The following KIF12 variants were observed in gnomAD, a reference collection of about 807,000 sequenced individuals.
KIF12 encodes kinesin-like protein KIF12.
Under a neutral mutation model 87.9 loss-of-function variants are expected in KIF12, and 80 were observed. The ratio of observed to expected loss-of-function variants is 0.91; its 90% confidence interval spans 0.76 to 1.10. The LOEUF (loss-of-function observed/expected upper bound fraction) is 1.10, where lower values mean the gene tolerates loss of function less well. KIF12 is among the 50% of genes least tolerant of loss of function. KIF12 has a pLI of 0.00. For synonymous variants in KIF12, 353 were observed against 348.5 expected (o/e 1.01, Z -0.14); for missense variants, 819 against 865.3 (o/e 0.95, Z 0.67).
Position 114,093,922 on chromosome 9 carries a change from T to G in KIF12, c.1364A>C (p.Gln455Pro). 6.2e-7 allele frequency: 1 copy of G among 1,614,168 alleles called. No individual in the cohort carries two copies. Among genetic ancestry groups the G allele is most frequent in the Non-Finnish European group, 8.5e-7 (1 of 1,180,032 alleles). ...ATGGACCTGCTGGGCCAGGATGCGC[T>G]GCTCATTCTGGGCCAGGTCTCGGCT... Reference protein sequence around the residue: ...QNSRDLAQNEQRILAQQVHAL... With the variant: ...QNSRDLAQNEPRILAQQVHAL... The change falls in exon 14 of 19, where the codon CAG becomes CCG. Residue 455 changes from glutamine to proline, a missense_variant. Transcript: ENST00000640217.
chr9:114,092,361 C>A lies in KIF12; in HGVS notation c.1788G>T (p.Arg596Ser). Residue 596 changes from arginine (R) to serine (S), a missense_variant, in exon 18 of 19, where the codon AGG becomes AGT. Physicochemically the swap from Arg to Ser is moderately radical, Grantham distance 110. Transcript: ENST00000640217. The part of the protein sequence containing the change: ...VVPSAPPLPV[R>S]PPKTSPGLRG... ...TGAGCCCTGGTGATGTCTTCGGGGGCCTCACAGGCAGGGGAGGTGCAGAAG... is the reference window on the plus strand; with the variant it reads ...TGAGCCCTGGTGATGTCTTCGGGGGACTCACAGGCAGGGGAGGTGCAGAAG... 1 of 1,603,632 alleles carries A rather than the reference C, an allele frequency of 6.2e-7. No individual in the cohort carries two copies. Among genetic ancestry groups the A allele is most frequent in the Non-Finnish European group, 8.5e-7 (1 of 1,175,728 alleles).
chr9:114,092,130 C>A, intron 18 of KIF12, 130 bp from the exon 19 acceptor site: 1 of 1,445,242 alleles, frequency 6.9e-7, no homozygotes, highest in East Asian at 2.5e-5. Context: ...CACCCCACCC[C>A]CATACACCAT....
At chr9:114,092,241 A>G in intron 18 of KIF12, 92 bp downstream of exon 18, 1 of 1,480,222 alleles carries the variant, frequency 6.8e-7, no homozygotes, top group South Asian at 1.4e-5. Flanking sequence ...CACCCACCCC[A>G]TTTCAGAGAT....
In KIF12 at chr9:114,098,408, G is replaced by T; in HGVS notation, c.193C>A (p.Pro65Thr). 1 of 1,511,460 alleles carries T rather than the reference G, an allele frequency of 6.6e-7. No individual in the cohort carries two copies. 93.6% of individuals were successfully genotyped at this position (1,511,460 alleles called of 1,614,324 possible). Residue 65 changes from proline (P) to threonine (T), a missense_variant, in exon 4 of 19, where the codon CCA becomes ACA. Physicochemically the swap from Pro to Thr is conservative, Grantham distance 38 (BLOSUM62 -1). Transcript: ENST00000640217. ...GCACCGAAGCGGAACGCCACTTCTG[G>T]ACCCCCGCCTGGAGGACTCACCTGG... ...TLQVSPPGGG[P>T]EVAFRFGAVL...
rs1847286722 is a variant in KIF12, at chr9:114,097,590, T to C, written c.510+17A>G. ...GTTTCCTCATGGGCTGTCTTTCTATTCCTCTCATTCCCTTACCTGCTCATT... is the reference window on the plus strand; with the variant it reads ...GTTTCCTCATGGGCTGTCTTTCTATCCCTCTCATTCCCTTACCTGCTCATT... On this transcript the variant is annotated intron_variant, in intron 6 of 18. Transcript: ENST00000640217. 6.2e-7 allele frequency: 1 copy of C among 1,613,586 alleles called. No individual in the cohort carries two copies. The highest frequency in any genetic ancestry group is 1.7e-5 in the Admixed American group (1 of 59,952).
chr9:114,096,337 C>A (rs773786026), intron 8 of KIF12, 50 bp downstream of exon 8: 3 of 1,597,730 alleles, frequency 1.9e-6, no homozygotes, highest in Admixed American at 1.7e-5. Flanking sequence ...CAGATACAGA[C>A]CCTTGCTTGG....
chr9:114,094,089 G>A, intron 13 of KIF12, 92 bp downstream of exon 13: 1 of 1,457,426 alleles, frequency 6.9e-7, no homozygotes, highest in Admixed American at 1.7e-5. Flanking sequence ...ACATAAGGGA[G>A]CCAGGGGCAG....
intron 13 of KIF12, 63 bp downstream of exon 13, chr9:114,094,118 C>A (rs1470225145): frequency 1.3e-6 from 2 of 1,543,860 alleles, no homozygotes; most frequent in Admixed American, 3.3e-5. Flanking sequence ...GGCAGTTTGC[C>A]AGAAGCAGCC....
chr9:114,097,164 G>A lies in KIF12; in HGVS notation c.646+137C>T. ...CCTTGGGCCATGCCTTTGAATTGTG[G>A]TTTACTGGTCCTTCCCCACCTCCCC... On this transcript the variant is annotated intron_variant, in intron 7 of 18. Coordinates refer to ENST00000640217, the MANE Select transcript of KIF12 (RefSeq NM_001388308.1). The A allele has an allele frequency of 3.4e-6, 4 of 1,180,826 alleles. No homozygotes were observed. In the South Asian group the frequency reaches 6.7e-5, roughly 20 times the overall value. 73.1% of individuals were successfully genotyped at this position (1,180,826 alleles called of 1,614,324 possible).
chr9:114,098,343 C>T lies in KIF12; in HGVS notation c.258G>A (p.Arg86=). The part of the protein sequence containing the change: ...DAARTQEDVF[R]ACGVRRLGEL... ...CCCCCAGGCGCCGCACGCCGCACGC[C>T]CGGAACACGTCCTCCTGCGTGCGCG... Residue 86 remains arginine, a synonymous_variant, in exon 4 of 19, where the codon CGG becomes CGA. Transcript: ENST00000640217. 4.0e-6 allele frequency: 6 copies of T among 1,490,686 alleles called. No homozygotes were observed. Among genetic ancestry groups the T allele is most frequent in the Non-Finnish European group, 5.3e-6 (6 of 1,124,764 alleles). 92.3% of individuals were successfully genotyped at this position (1,490,686 alleles called of 1,614,324 possible).
intron 16 of KIF12, 67 bp from the exon 17 acceptor site, chr9:114,092,709 G>C: frequency 6.5e-7 from 1 of 1,528,086 alleles, no homozygotes; most frequent in South Asian, 1.2e-5. Context: ...CACCTACCTG[G>C]TGCTAGCCAT....
chr9:114,096,227 T>C lies in KIF12; in HGVS notation c.739-20A>G. On this transcript the variant is annotated intron_variant, in intron 8 of 18. Coordinates refer to ENST00000640217, the MANE Select transcript of KIF12 (RefSeq NM_001388308.1). ...CTGGGCCTGAGGGATCAGAGCTTCA[T>C]GGGGACTTGGGAGGGACCGTCCCCA... is the stretch of plus-strand genomic sequence containing the variant. 6.2e-7 allele frequency: 1 copy of C among 1,613,262 alleles called. No individual in the cohort carries two copies. The highest frequency in any genetic ancestry group is 8.5e-7 in the Non-Finnish European group (1 of 1,179,650).
chr9:114,094,806 CT>C (rs1847143445), intron 11 of KIF12, among the ~76,000 whole-genome samples: 1 of 152,226 alleles, frequency 6.6e-6, no homozygotes, highest in South Asian at 2.1e-4. Context: ...CATATCCCAA[CT>C]CAAACTCCAA....
rs1243505626 is a variant in KIF12 at position 114,096,482 on chromosome 9, G to A, written c.647-4C>T. On this transcript the variant is annotated splice_region_variant and splice_polypyrimidine_tract_variant and intron_variant, in intron 7 of 18. Coordinates refer to ENST00000640217, the MANE Select transcript of KIF12 (RefSeq NM_001388308.1). ...GAGTTCCTTCGACGGCTGAGACCTGGAAGGGAAAAACATCAGGAGCTGGAC... is the reference window on the plus strand; with the variant it reads ...GAGTTCCTTCGACGGCTGAGACCTGAAAGGGAAAAACATCAGGAGCTGGAC... The A allele has an allele frequency of 6.2e-7, 1 of 1,605,774 alleles. No homozygotes were observed. The highest frequency in any genetic ancestry group is 8.5e-7 in the Non-Finnish European group (1 of 1,175,838).
At position 114,096,472 on chromosome 9, in the gene KIF12, C is replaced by G; in HGVS notation, c.653G>C (p.Ser218Thr). The G allele has an allele frequency of 6.2e-7, 1 of 1,609,030 alleles. No individual in the cohort carries two copies. The highest frequency in any genetic ancestry group is 8.5e-7 in the Non-Finnish European group (1 of 1,177,802). ...GGTGTGGGCTGAGTTCCTTCGACGG[C>G]TGAGACCTGGAAGGGAAAAACATCA... is the stretch of plus-strand genomic sequence containing the variant. ...ALMELLQTGL[S>T]RRRNSAHTLN... Residue 218 changes from serine to threonine, a missense_variant, in exon 8 of 19, where the codon AGC (serine) becomes ACC (threonine). Coordinates refer to ENST00000640217, the MANE Select transcript of KIF12 (RefSeq NM_001388308.1).
intron 7 of KIF12, 114 bp from the exon 8 acceptor site, chr9:114,096,592 G>T: frequency 1.2e-6 from 1 of 851,824 alleles, no homozygotes; most frequent in East Asian, 2.7e-5. Flanking sequence ...CAAAGGCAGG[G>T]AGGCAACAGA....
chr9:114,093,082 C>A, intron 16 of KIF12, 147 bp downstream of exon 16: 1 of 1,091,812 alleles, frequency 9.2e-7, no homozygotes. Context: ...TATTTCAAAC[C>A]AGGGCAGAGG....
intron 8 of KIF12, 42 bp downstream of exon 8, chr9:114,096,345 T>G (rs6478062): frequency 0.69 from 1,109,241 of 1,597,240 alleles, 387,827 homozygotes; most frequent in African/African-American, 0.87. Context: ...GACCCTTGCT[T>G]GGTGGCCCCG....
chr9:114,091,846 G>A lies in KIF12; in HGVS notation c.*15C>T. 6.3e-7 allele frequency: 1 copy of A among 1,588,178 alleles called. No individual in the cohort carries two copies. The highest frequency in any genetic ancestry group is 2.3e-5 in the East Asian group (1 of 44,112). On this transcript the variant is annotated 3_prime_UTR_variant, in exon 19 of 19. Transcript: ENST00000640217. ...CTGAGGTCACACAGCAGTCTCCTGG[G>A]TTCCCACTTGGCCTTCAATGGGGAG... is the stretch of plus-strand genomic sequence containing the variant.
Sources: gnomAD v4.1 joint callset for allele counts (sites outside exome capture counted in the v4.1 genomes callset) on GRCh38, gnomAD v4.1.1 for gene constraint, MANE v1.5 for transcripts, NCBI Gene and HGNC (gene_info 2026-07-23, HGNC 2026-07-21) for gene names.